The following CDK14 variants were observed in gnomAD, a reference collection of about 807,000 sequenced individuals.
CDK14 encodes the protein cyclin-dependent kinase 14.
CDK14 carries 34 observed loss-of-function variants against 60.7 expected under a neutral mutation model. That is an observed-to-expected ratio of 0.56 (90% CI 0.43 to 0.75). The LOEUF is 0.75. Among genes scored for constraint, CDK14 ranks in the 30% least tolerant of loss-of-function variants. CDK14 has a pLI of 0.00. For synonymous variants in CDK14, 197 were observed against 203.7 expected, an observed-to-expected ratio of 0.97 and a Z score of 0.28; for missense variants, 482 against 564.1, an observed-to-expected ratio of 0.85 and a Z score of 1.47.
intron 13 of CDK14, 113 bp from the exon 14 acceptor site, chr7:91,117,952 G>A (rs778850000): frequency 2.6e-5 from 15 of 584,782 alleles, no homozygotes; most frequent in Non-Finnish European, 3.0e-5. Flanking sequence ...ATACCATGAT[G>A]TTCAGTGTGC....
chr7:90,692,022 C>T (rs73218734), intron 2 of CDK14, among the ~76,000 whole-genome samples: 20,636 of 151,996 alleles, frequency 0.14, 1,684 homozygotes, highest in Middle Eastern at 0.24. Flanking sequence ...TTTCTACATA[C>T]ATAAGTTGTC....
chr7:91,123,358 C>T (rs1035844140), intron 14 of CDK14, among the ~76,000 whole-genome samples: 2 of 151,964 alleles, frequency 1.3e-5, no homozygotes, highest in African/African-American at 4.8e-5. Flanking sequence ...TTTATTATTT[C>T]TGTTATCTCA....
At chr7:91,067,935 A>G (rs1264782437) in intron 11 of CDK14, among the ~76,000 whole-genome samples, 1 of 152,262 alleles carries the variant, frequency 6.6e-6, no homozygotes, top group African/African-American at 2.4e-5. Context: ...ATAGCAAATT[A>G]TTAAGCTTGC....
intron 2 of CDK14, chr7:90,692,659 T>A: frequency 1.0e-6 from 1 of 979,246 alleles, no homozygotes; most frequent in Non-Finnish European, 1.2e-6. Flanking sequence ...TGATGGGGTC[T>A]TCCTGTTCTC....
chr7:90,963,887 TG>T (rs1794679138), intron 9 of CDK14, among the ~76,000 whole-genome samples: 1 of 151,878 alleles, frequency 6.6e-6, no homozygotes, highest in African/African-American at 2.4e-5. Context: ...GGCTAATTTT[TG>T]TATTTTTAGT....
intron 10 of CDK14, among the ~76,000 whole-genome samples, chr7:91,002,097 G>C (rs1394147146): frequency 6.6e-6 from 1 of 152,128 alleles, no homozygotes; most frequent in East Asian, 1.9e-4. Flanking sequence ...CCTATAGAAT[G>C]AGGTTAAAGA....
intron 6 of CDK14, among the ~76,000 whole-genome samples, chr7:90,888,553 C>T (rs745325776): frequency 1.9e-4 from 29 of 152,046 alleles, no homozygotes; most frequent in Non-Finnish European, 3.1e-4. Flanking sequence ...TTCTCTCTTC[C>T]GTTAGTTCTT....
At chr7:90,618,461 G>A (rs1202409044) in intron 2 of CDK14, among the ~76,000 whole-genome samples, 2 of 151,926 alleles carry the variant, frequency 1.3e-5, no homozygotes, top group South Asian at 4.2e-4. Context: ...GCTTTTGGTG[G>A]TTTAGTTGCC....
chr7:91,003,333 T>C (rs1384472981), intron 10 of CDK14, among the ~76,000 whole-genome samples: 1 of 152,176 alleles, frequency 6.6e-6, no homozygotes, highest in Non-Finnish European at 1.5e-5. Context: ...CTGGTCACTG[T>C]CGCAGTCTCC....
chr7:90,967,742 C>CA (rs1477437798), intron 9 of CDK14, among the ~76,000 whole-genome samples: 6 of 151,174 alleles, frequency 4.0e-5, no homozygotes, highest in Admixed American at 2.6e-4. Context: ...TGTATGAATC[C>CA]AAAAAAAAGC....
At chr7:90,597,616 C>T (rs886713369) in intron 1 of CDK14, among the ~76,000 whole-genome samples, 3 of 152,152 alleles carry the variant, frequency 2.0e-5, no homozygotes, top group Admixed American at 6.5e-5. Flanking sequence ...ATAACCCCTG[C>T]GAGTCCCTAG....
rs754712322 is a variant in CDK14 at position 91,112,613 on chromosome 7, C to T, written c.1226C>T (p.Ser409Leu). 57 of 1,613,654 alleles carry T rather than the reference C, an allele frequency of 3.5e-5. No homozygotes were observed. The highest frequency in any genetic ancestry group is 1.3e-4 in the East Asian group (6 of 44,858). ...LLQCSPKNRL[S>L]AQAALSHEYF... ...CAATGTTCCCCAAAGAACAGACTGT[C>T]GGCACAGGCTGCCTTGAGCCACGAG... Residue 409 changes from serine (S) to leucine (L), a missense_variant, in exon 13 of 15, where the codon TCG becomes TTG. Physicochemically the swap from Ser to Leu is moderately radical, Grantham distance 145 (BLOSUM62 -2). Coordinates refer to ENST00000380050, the MANE Select transcript of CDK14 (RefSeq NM_001287135.2).
intron 14 of CDK14, among the ~76,000 whole-genome samples, chr7:91,144,325 T>A (rs939058940): frequency 1.3e-5 from 2 of 152,258 alleles, no homozygotes; most frequent in African/African-American, 4.8e-5. Context: ...ATGATAATGT[T>A]CTCTATAAAT....
chr7:90,857,822 A>G (rs1019858889), intron 5 of CDK14, among the ~76,000 whole-genome samples: 1 of 152,156 alleles, frequency 6.6e-6, no homozygotes, highest in Non-Finnish European at 1.5e-5. Flanking sequence ...CTGGCACCTC[A>G]CTGGGACCAG....
intron 11 of CDK14, among the ~76,000 whole-genome samples, chr7:91,056,009 G>C (rs1234978861): frequency 2.6e-5 from 4 of 152,192 alleles, no homozygotes; most frequent in Non-Finnish European, 5.9e-5. Flanking sequence ...TCTATGCATT[G>C]TATAAAGTCC....
intron 10 of CDK14, among the ~76,000 whole-genome samples, chr7:91,036,866 G>A (rs1481689427): frequency 6.6e-6 from 1 of 152,138 alleles, no homozygotes; most frequent in African/African-American, 2.4e-5. Context: ...TTGTTCAAGG[G>A]CCAGTTGTAA....
Position 91,026,104 on chromosome 7 carries a change from G to A in CDK14, c.1042-19793G>A, listed in dbSNP as rs62468496. Among the ~76,000 whole-genome samples the A allele has an allele frequency of 9.0e-3, 1,362 of 152,174 alleles. 10 individuals are homozygous for A. Among genetic ancestry groups the A allele is most frequent in the Non-Finnish European group, 0.013 (864 of 68,012 alleles). On this transcript the variant is annotated intron_variant, in intron 10 of 14. Transcript: ENST00000380050. ...GTCCCTTTGCTCCTCTTTGTTGACA[G>A]GCAGTCTTCTAAGGCTGTCCTTTCT...
chr7:90,894,032 C>A (rs1792220101), intron 6 of CDK14, among the ~76,000 whole-genome samples: 1 of 152,126 alleles, frequency 6.6e-6, no homozygotes, highest in South Asian at 2.1e-4. Context: ...ATGTATCATT[C>A]CTGTTTTTAT....
At chr7:91,094,748 C>G (rs1290522034) in intron 12 of CDK14, among the ~76,000 whole-genome samples, 1 of 152,072 alleles carries the variant, frequency 6.6e-6, no homozygotes, top group Admixed American at 6.6e-5. Flanking sequence ...AAAATCTCAG[C>G]GATCAAGATA....
Sources: allele counts gnomAD v4.1 joint callset (sites outside exome capture counted in the v4.1 genomes callset), GRCh38; gene constraint gnomAD v4.1.1; transcripts MANE v1.5; gene names NCBI Gene and HGNC (gene_info 2026-07-23, HGNC 2026-07-21).